Variants in TACC1 observed in about 807,000 individuals in gnomAD.
TACC1 encodes transforming acidic coiled-coil-containing protein 1.
Under a neutral mutation model 84.4 loss-of-function variants are expected in TACC1, and 48 were observed. That is an observed-to-expected ratio of 0.57 (90% CI 0.45 to 0.72). The LOEUF (loss-of-function observed/expected upper bound fraction) is 0.72, where lower values mean the gene tolerates loss of function less well. TACC1 is among the 30% of genes least tolerant of loss of function. The probability of loss-of-function intolerance (pLI) is 0.00; values close to 1 mark genes in which losing one functional copy is unlikely to be tolerated. For synonymous variants in TACC1, 372 were observed against 376.3 expected (o/e 0.99, Z 0.13); for missense variants, 920 against 973.0 (o/e 0.95, Z 0.72).
chr8:38,820,564 T>G lies in TACC1; in HGVS notation c.1320T>G (p.Phe440Leu). 1 of 1,614,058 alleles carries G rather than the reference T, an allele frequency of 6.2e-7. No homozygotes were observed. ...CTACGACCTTAACAAGCAGTGACTT[T>G]TGTTCTCCCACTGGTAATCACGTTA... is the stretch of plus-strand genomic sequence containing the variant. ...KPTTTLTSSDFCSPTGNHVNE... is the reference protein window; with the variant it reads ...KPTTTLTSSDLCSPTGNHVNE... The change falls in exon 3 of 13, where the codon TTT becomes TTG. Residue 440 changes from phenylalanine to leucine, a missense_variant. Around this residue, in one of 2 missense-constraint regions of TACC1, gnomAD observed 762 missense variants for 747.3 expected, o/e 1.02. Transcript: ENST00000317827.
chr8:38,836,677 T>G (rs895102575), intron 7 of TACC1, among the ~76,000 whole-genome samples: 3 of 152,248 alleles, frequency 2.0e-5, no homozygotes, highest in African/African-American at 4.8e-5. Context: ...GTTTCCTACT[T>G]TCATCCATTC....
At chr8:38,735,691 G>A (rs1279212319) in intron 1 of TACC1, among the ~76,000 whole-genome samples, 1 of 152,172 alleles carries the variant, frequency 6.6e-6, no homozygotes, top group African/African-American at 2.4e-5. Context: ...CTACGCTGCT[G>A]TCTCCTGTGG....
chr8:38,842,595 G>T, intron 10 of TACC1, 148 bp downstream of exon 10: 1 of 925,756 alleles, frequency 1.1e-6, no homozygotes, highest in East Asian at 2.7e-5. Context: ...CTATTCCAGT[G>T]AAGCTGGATT....
chr8:38,817,922 A>G (rs1402383651), intron 2 of TACC1, among the ~76,000 whole-genome samples: 19 of 100,094 alleles, frequency 1.9e-4, no homozygotes, highest in African/African-American at 5.5e-4. Context: ...AGACCCCTAA[A>G]AAAAAAAAAA....
intron 1 of TACC1, chr8:38,728,859 T>A (rs974079973): frequency 4.6e-5 from 7 of 152,280 alleles, no homozygotes; most frequent in Admixed American, 3.9e-4. Flanking sequence ...CAAGTTGAAC[T>A]TTAATTCTTG....
chr8:38,778,951 GT>G (rs1815389216), intron 3 of TACC1, among the ~76,000 whole-genome samples: 1 of 148,286 alleles, frequency 6.7e-6, no homozygotes, highest in South Asian at 2.2e-4. Flanking sequence ...ATTCTCATTT[GT>G]ATCAGTAGGG....
intron 3 of TACC1, among the ~76,000 whole-genome samples, chr8:38,823,179 TAG>T (rs1462369692): frequency 6.6e-6 from 1 of 152,088 alleles, no homozygotes; most frequent in African/African-American, 2.4e-5. Context: ...ACCAAGAAAG[TAG>T]AGAGATATAG....
chr8:38,843,478 A>C (rs1359624066), intron 11 of TACC1, 83 bp downstream of exon 11: 8 of 946,810 alleles, frequency 8.4e-6, no homozygotes, highest in East Asian at 2.7e-5. Context: ...CTGTTTCGCA[A>C]CTCCAGGTTG....
intron 2 of TACC1, among the ~76,000 whole-genome samples, chr8:38,816,989 C>A (rs1181761684): frequency 1.3e-5 from 2 of 152,128 alleles, no homozygotes; most frequent in Non-Finnish European, 2.9e-5. Context: ...CCCCCAGCAC[C>A]CAGTCATTCA....
chr8:38,732,301 T>C (rs2151608313), intron 1 of TACC1, among the ~76,000 whole-genome samples: 1 of 152,132 alleles, frequency 6.6e-6, no homozygotes, highest in South Asian at 2.1e-4. Flanking sequence ...CAAAAATATG[T>C]TTTTTTCTTG....
At chr8:38,831,507 T>C (rs771483623) in intron 6 of TACC1, among the ~76,000 whole-genome samples, 21 of 152,144 alleles carry the variant, frequency 1.4e-4, no homozygotes, top group Non-Finnish European at 3.1e-4. Flanking sequence ...GTTATTATTA[T>C]TATTATTTGA....
intron 2 of TACC1, among the ~76,000 whole-genome samples, chr8:38,794,311 T>A (rs184366419): frequency 2.0e-3 from 302 of 152,276 alleles, no homozygotes; most frequent in Middle Eastern, 3.4e-3. Context: ...AAATTTTTTT[T>A]AAAAAAATAG....
At chr8:38,755,753 A>AACAACAACGAC (rs1554496269) in intron 3 of TACC1, among the ~76,000 whole-genome samples, 1 of 82,710 alleles carries the variant, frequency 1.2e-5, no homozygotes, top group African/African-American at 5.4e-5. Flanking sequence ...CAACAACAAC[A>AACAACAACGAC]GAGTGTTCCT....
At chr8:38,842,476 G>T in intron 10 of TACC1, 29 bp downstream of exon 10, 1 of 1,585,312 alleles carries the variant, frequency 6.3e-7, no homozygotes, top group South Asian at 1.2e-5. Context: ...CTGTCTCCTG[G>T]TGTATTTCCA....
chr8:38,847,921 AG>A, intron 12 of TACC1, 33 bp from the exon 13 acceptor site: 1 of 1,585,058 alleles, frequency 6.3e-7, no homozygotes, highest in African/African-American at 1.3e-5. Context: ...CAGAATACAA[AG>A]TGGCCTGCAT....
intron 5 of TACC1, among the ~76,000 whole-genome samples, chr8:38,829,055 C>T (rs761181471): frequency 2.0e-5 from 3 of 152,102 alleles, no homozygotes; most frequent in Non-Finnish European, 2.9e-5. Flanking sequence ...GAGCTAAGCC[C>T]CTCTTTCTTG....
intron 3 of TACC1, among the ~76,000 whole-genome samples, chr8:38,773,231 C>A (rs942988858): frequency 2.0e-5 from 3 of 151,744 alleles, no homozygotes; most frequent in African/African-American, 7.3e-5. Context: ...GAAGCTGAGG[C>A]AGGAGAATTG....
intron 6 of TACC1, 55 bp downstream of exon 6, chr8:38,831,232 T>G (rs1373064757): frequency 6.4e-7 from 1 of 1,570,842 alleles, no homozygotes; most frequent in East Asian, 2.2e-5. Context: ...CAGTATTTGT[T>G]TTGAAGCCCA....
intron 11 of TACC1, 40 bp from the exon 12 acceptor site, chr8:38,846,659 T>C: frequency 6.2e-7 from 1 of 1,611,576 alleles, no homozygotes; most frequent in Non-Finnish European, 8.5e-7. Context: ...GCTAATCATG[T>C]GCTTTTTGTC....
Sources: allele counts gnomAD v4.1 joint callset (sites outside exome capture counted in the v4.1 genomes callset), GRCh38; gene constraint gnomAD v4.1.1; regional missense constraint gnomAD v4.1.1; transcripts MANE v1.5; gene names NCBI Gene and HGNC (gene_info 2026-07-23, HGNC 2026-07-21).